EFR3B: variants seen among roughly 807,000 people sequenced by gnomAD.
EFR3B encodes the protein protein EFR3 homolog B.
Under a neutral mutation model 104.7 loss-of-function variants are expected in EFR3B, and 64 were observed. That is an observed-to-expected ratio of 0.61 (90% CI 0.50 to 0.75). The LOEUF is 0.75. Among genes scored for constraint, EFR3B ranks in the 30% least tolerant of loss-of-function variants. The pLI is 0.00. For synonymous variants in EFR3B, 385 were observed against 417.9 expected (o/e 0.92, Z 0.96); for missense variants, 750 against 1,078.5 (o/e 0.70, Z 4.27).
intron 1 of EFR3B, among the ~76,000 whole-genome samples, chr2:25,052,176 A>G (rs1667889780): frequency 6.6e-6 from 1 of 151,988 alleles, no homozygotes; most frequent in Non-Finnish European, 1.5e-5. Flanking sequence ...AGCCTGGGCA[A>G]CAAGAGTGAA....
At chr2:25,079,963 AG>A in intron 1 of EFR3B, 1 of 1,188,924 alleles carries the variant, frequency 8.4e-7, no homozygotes, top group Non-Finnish European at 1.3e-6. Context: ...GCTGTTTCAG[AG>A]AGCCTTCTGA....
At chr2:25,097,774 C>T (rs892720328) in intron 3 of EFR3B, among the ~76,000 whole-genome samples, 1 of 152,104 alleles carries the variant, frequency 6.6e-6, no homozygotes, top group Admixed American at 6.5e-5. Context: ...AACTCCAATG[C>T]GAGTAAATCC....
At chr2:25,143,254 A>G (rs886255100) in intron 17 of EFR3B, among the ~76,000 whole-genome samples, 1 of 152,166 alleles carries the variant, frequency 6.6e-6, no homozygotes, top group Non-Finnish European at 1.5e-5. Flanking sequence ...TGATTGTTGT[A>G]CATAAGAATA....
chr2:25,104,596 A>G (rs1669513172), intron 4 of EFR3B, among the ~76,000 whole-genome samples: 1 of 152,222 alleles, frequency 6.6e-6, no homozygotes, highest in Admixed American at 6.5e-5. Context: ...CTCACCACTC[A>G]GCACGCTATG....
chr2:25,085,948 C>G (rs149979090), intron 1 of EFR3B, among the ~76,000 whole-genome samples: 1 of 151,994 alleles, frequency 6.6e-6, no homozygotes, highest in East Asian at 1.9e-4. Context: ...GACTGTGGCT[C>G]TGCTCGCCAG....
intron 16 of EFR3B, among the ~76,000 whole-genome samples, chr2:25,140,327 T>TACATTAGCAAAACAAAATAAAAC (rs1670629029): frequency 6.6e-6 from 1 of 151,930 alleles, no homozygotes; most frequent in Non-Finnish European, 1.5e-5. Flanking sequence ...TAAAATGAAA[T>TACATTAGCAAAACAAAATAAAAC]ACATTAGCAA....
intron 5 of EFR3B, among the ~76,000 whole-genome samples, chr2:25,127,969 T>C (rs1670212534): frequency 6.6e-6 from 1 of 152,160 alleles, no homozygotes; most frequent in African/African-American, 2.4e-5. Context: ...AAGGGCAGCC[T>C]GGGAGTCTCC....
chr2:25,092,840 A>G (rs576920555), intron 2 of EFR3B, among the ~76,000 whole-genome samples, 163 bp from the exon 3 acceptor site: 2 of 152,348 alleles, frequency 1.3e-5, no homozygotes, highest in East Asian at 3.9e-4. Context: ...AACTAAAACT[A>G]TGTTTTAATC....
At position 25,131,339 on chromosome 2, in the gene EFR3B, T is replaced by C; in HGVS notation, c.850-29T>C. ...GCCCAGGGACCCCGTGGGGTTGCTG[T>C]CCAGGCCCAGCTCATCTTCCTCCCG... On this transcript the variant is annotated intron_variant, in intron 8 of 22. Coordinates refer to ENST00000403714, the MANE Select transcript of EFR3B (RefSeq NM_014971.2). This position sits in a 1 kb window ranked among gnomAD's most constrained non-coding sequence, Gnocchi z 7.6. 1 of 1,547,686 alleles carries C rather than the reference T, an allele frequency of 6.5e-7. No individual in the cohort carries two copies. Among genetic ancestry groups the C allele is most frequent in the Non-Finnish European group, 8.7e-7 (1 of 1,145,074 alleles).
intron 1 of EFR3B, chr2:25,081,581 A>G: frequency 1.2e-6 from 1 of 866,940 alleles, no homozygotes; most frequent in Admixed American, 1.7e-5. Flanking sequence ...TTATTCAACA[A>G]TCCATAACTT....
Position 25,042,667 on chromosome 2 carries a change from G to C in EFR3B, c.7+348G>C. ...AGCATTTGCGGAATTAACAAAAGCG[G>C]TTTGTGCCTGGGAGTTTTCTGTGGG... On this transcript the variant is annotated intron_variant, in intron 1 of 22. Transcript: ENST00000403714. The surrounding 1 kb of genome is among the most constrained non-coding windows in gnomAD (Gnocchi z 5.4). 1.9e-6 allele frequency: 2 copies of C among 1,051,964 alleles called. No homozygotes were observed. Among genetic ancestry groups the C allele is most frequent in the Non-Finnish European group, 2.3e-6 (2 of 873,130 alleles). The allele number at this position is 1,051,964 out of a possible 1,614,324, so 65.2% of individuals were successfully genotyped here.
At chr2:25,080,455 T>C (rs1198707229) in intron 1 of EFR3B, among the ~76,000 whole-genome samples, 1 of 151,816 alleles carries the variant, frequency 6.6e-6, no homozygotes, top group African/African-American at 2.4e-5. Context: ...CCATCACACC[T>C]GGCTAATTTT....
At chr2:25,141,515 C>T (rs751266770) in intron 17 of EFR3B, 82 bp downstream of exon 17, 1 of 1,438,008 alleles carries the variant, frequency 7.0e-7, no homozygotes, top group Admixed American at 2.2e-5. Context: ...CAGGAGGGGT[C>T]AATGCCAGGA....
chr2:25,138,919 T>C, intron 15 of EFR3B, 140 bp from the exon 16 acceptor site: 1 of 1,239,108 alleles, frequency 8.1e-7, no homozygotes, highest in Non-Finnish European at 1.1e-6. Context: ...CCCAGGAAGG[T>C]TTGGGTCAAA....
At chr2:25,065,357 T>A (rs1057486752) in intron 1 of EFR3B, among the ~76,000 whole-genome samples, 1 of 149,192 alleles carries the variant, frequency 6.7e-6, no homozygotes, top group Non-Finnish European at 1.5e-5. Flanking sequence ...TTTTTTTTTT[T>A]TTTTTTTTTT....
At chr2:25,076,126 C>T (rs906492817) in intron 1 of EFR3B, among the ~76,000 whole-genome samples, 2 of 152,144 alleles carry the variant, frequency 1.3e-5, no homozygotes, top group Admixed American at 6.5e-5. Context: ...CTCCTGGGCT[C>T]AAGTGATCCT....
chr2:25,071,764 G>T (rs1271318573), intron 1 of EFR3B, among the ~76,000 whole-genome samples: 1 of 152,152 alleles, frequency 6.6e-6, no homozygotes, highest in Non-Finnish European at 1.5e-5. Flanking sequence ...ATGGAGGTTT[G>T]CACTTAATCG....
At chr2:25,055,872 C>A (rs1426220175) in intron 1 of EFR3B, among the ~76,000 whole-genome samples, 2 of 152,182 alleles carry the variant, frequency 1.3e-5, no homozygotes. Flanking sequence ...TCTACTGTAT[C>A]TTAGAGTTTA....
In EFR3B at chr2:25,056,384, T is replaced by G. The variant is rs114760701; in HGVS notation, c.7+14065T>G. Among the ~76,000 whole-genome samples the G allele has an allele frequency of 4.8e-3, 729 of 151,924 alleles. 8 individuals carry two copies. Among genetic ancestry groups the G allele is most frequent in the African/African-American group, 0.016 (666 of 41,412 alleles). On this transcript the variant is annotated intron_variant, in intron 1 of 22. Coordinates refer to ENST00000403714, the MANE Select transcript of EFR3B (RefSeq NM_014971.2). ...TTCTTTTGAAAGGAAGGTCATTTAATGGTATAATTACGGATAAGTCTCTAT... is the reference window on the plus strand; with the variant it reads ...TTCTTTTGAAAGGAAGGTCATTTAAGGGTATAATTACGGATAAGTCTCTAT...
Sources: gnomAD v4.1 joint callset for allele counts (sites outside exome capture counted in the v4.1 genomes callset) on GRCh38, gnomAD v4.1.1 for gene constraint, Gnocchi (gnomAD v3.1) non-coding constraint, MANE v1.5 for transcripts, NCBI Gene and HGNC (gene_info 2026-07-23, HGNC 2026-07-21) for gene names.